The following MALRD1 variants were observed in gnomAD, a reference collection of about 807,000 sequenced individuals.
The protein encoded by MALRD1 is MAM and LDL receptor class A domain containing 1.
A neutral mutation model predicts 242.1 loss-of-function variants in MALRD1; 247 were observed. That is an observed-to-expected ratio of 1.02 (90% confidence interval 0.92 to 1.13). The LOEUF is 1.13. MALRD1 is among the 50% of genes most tolerant of loss of function. The probability of loss-of-function intolerance (pLI) is 0.00; values close to 1 mark genes in which losing one functional copy is unlikely to be tolerated. For missense variants in MALRD1, 2,989 were observed against 2,533.1 expected (o/e 1.18, Z -3.86); for synonymous variants, 995 against 866.6 (o/e 1.15, Z -2.60).
rs1025534152 is a variant in MALRD1 at position 19,084,627 on chromosome 10, T to A, written c.341-3213T>A. 2.6e-5 allele frequency among the ~76,000 whole-genome samples: 4 copies of A among 151,896 alleles called. 1 individual carries two copies. The highest frequency in any genetic ancestry group is 9.7e-5 in the African/African-American group (4 of 41,388). On this transcript the variant is annotated intron_variant, in intron 2 of 39. Transcript: ENST00000454679. ...TGGTTGAGGAAAGTGAGACCGAAAATTCTACCTTATCTTTCCTGAAGATCA... is the reference window on the plus strand; with the variant it reads ...TGGTTGAGGAAAGTGAGACCGAAAAATCTACCTTATCTTTCCTGAAGATCA...
At chr10:19,128,021 T>C (rs974951396) in intron 7 of MALRD1, among the ~76,000 whole-genome samples, 200 bp from the exon 8 acceptor site, 1 of 152,210 alleles carries the variant, frequency 6.6e-6, no homozygotes, top group African/African-American at 2.4e-5. Flanking sequence ...AGGAGATTTC[T>C]CTACATATTG....
chr10:19,574,081 T>C (rs542278620), intron 33 of MALRD1, among the ~76,000 whole-genome samples: 47 of 152,338 alleles, frequency 3.1e-4, no homozygotes, highest in African/African-American at 1.0e-3. Context: ...AATAAAATTC[T>C]TAAGAAAGTC....
chr10:19,385,429 G>T (rs1403823330), intron 26 of MALRD1, among the ~76,000 whole-genome samples: 1 of 151,872 alleles, frequency 6.6e-6, no homozygotes, highest in Non-Finnish European at 1.5e-5. Context: ...ACTCATTATT[G>T]ATCTGTTCAG....
rs73591907 is a variant in MALRD1, at chr10:19,056,369, C to T, written c.199+7232C>T. On this transcript the variant is annotated intron_variant, in intron 1 of 39. Coordinates refer to ENST00000454679, the MANE Select transcript of MALRD1 (RefSeq NM_001142308.3). ...ATTGTGTTTCCTTAAGTTTAATTCT[C>T]GGTGTTTTATAGTTTTCAGTTTGCA... Among the ~76,000 whole-genome samples the T allele has an allele frequency of 7.4e-3, 1,123 of 151,120 alleles. 21 individuals carry two copies. The highest frequency in any genetic ancestry group is 0.025 in the African/African-American group (1,045 of 41,206).
intron 31 of MALRD1, among the ~76,000 whole-genome samples, chr10:19,525,500 T>C (rs1050225211): frequency 1.3e-5 from 2 of 152,200 alleles, no homozygotes; most frequent in Non-Finnish European, 2.9e-5. Flanking sequence ...ATTTATACTA[T>C]TGTATTTGAC....
intron 18 of MALRD1, among the ~76,000 whole-genome samples, chr10:19,225,165 C>A (rs1837739355): frequency 6.6e-6 from 1 of 152,052 alleles, no homozygotes; most frequent in South Asian, 2.1e-4. Context: ...ACAATGCCTT[C>A]TGTCAATGGG....
chr10:19,617,411 T>C (rs1839208175), intron 36 of MALRD1, among the ~76,000 whole-genome samples: 1 of 151,998 alleles, frequency 6.6e-6, no homozygotes, highest in Non-Finnish European at 1.5e-5. Context: ...ACTTTACAAA[T>C]AGTGAAATAA....
rs148563247 is a variant in MALRD1 at position 19,165,991 on chromosome 10, A to G, written c.1830+181A>G. Among the ~76,000 whole-genome samples the G allele has an allele frequency of 1.8e-3, 277 of 152,352 alleles. 1 individual carries two copies. The highest frequency in any genetic ancestry group is 3.4e-3 in the Non-Finnish European group (232 of 68,030). ...CTTTCAGATAACAAAATAACACCAT[A>G]GCTCATGAATTTATTCAACATTAAT... On this transcript the variant is annotated intron_variant, in intron 13 of 39. Coordinates refer to ENST00000454679, the MANE Select transcript of MALRD1 (RefSeq NM_001142308.3).
intron 26 of MALRD1, among the ~76,000 whole-genome samples, chr10:19,357,889 A>G (rs1408810884): frequency 6.6e-6 from 1 of 152,160 alleles, no homozygotes; most frequent in Non-Finnish European, 1.5e-5. Flanking sequence ...AGGAAGATGC[A>G]ATTGAGCAGA....
intron 14 of MALRD1, among the ~76,000 whole-genome samples, chr10:19,189,595 A>G (rs1020612884): frequency 2.6e-5 from 4 of 152,176 alleles, no homozygotes; most frequent in Non-Finnish European, 5.9e-5. Flanking sequence ...AGCATATTAA[A>G]AAGATTATAC....
intron 18 of MALRD1, among the ~76,000 whole-genome samples, chr10:19,235,335 T>C (rs1164938060): frequency 2.0e-5 from 3 of 151,906 alleles, no homozygotes; most frequent in Non-Finnish European, 4.4e-5. Context: ...TGGTATCTCA[T>C]TGTGTTTTGA....
intron 31 of MALRD1, among the ~76,000 whole-genome samples, chr10:19,510,092 A>T (rs1034905234): frequency 7.9e-5 from 12 of 152,202 alleles, no homozygotes; most frequent in Non-Finnish European, 1.6e-4. Flanking sequence ...TCTGCATCAT[A>T]AACAAGGTAA....
chr10:19,480,787 C>G (rs1836960221), intron 29 of MALRD1, among the ~76,000 whole-genome samples: 1 of 151,986 alleles, frequency 6.6e-6, no homozygotes, highest in Non-Finnish European at 1.5e-5. Flanking sequence ...GCTTTAATTT[C>G]TTGTTATCTC....
intron 38 of MALRD1, among the ~76,000 whole-genome samples, chr10:19,727,383 A>G (rs1303335753): frequency 1.3e-5 from 2 of 152,174 alleles, no homozygotes; most frequent in Non-Finnish European, 2.9e-5. Flanking sequence ...TCAGTTAATA[A>G]GTGAATTCCA....
intron 32 of MALRD1, 107 bp from the exon 33 acceptor site, chr10:19,567,395 A>T (rs1836302654): frequency 2.2e-6 from 2 of 919,306 alleles, no homozygotes; most frequent in South Asian, 3.4e-5. Context: ...TAGTCAATGT[A>T]TTGAGCTGTT....
chr10:19,340,562 T>C (rs548208336), intron 24 of MALRD1, among the ~76,000 whole-genome samples: 1 of 152,232 alleles, frequency 6.6e-6, no homozygotes, highest in Non-Finnish European at 1.5e-5. Context: ...AAATATTTCA[T>C]TGGCCATACA....
chr10:19,388,633 A>G (rs1389838615), intron 27 of MALRD1, among the ~76,000 whole-genome samples: 1 of 152,182 alleles, frequency 6.6e-6, no homozygotes, highest in Non-Finnish European at 1.5e-5. Context: ...TGCCATGAAA[A>G]TTTAACTTTA....
intron 23 of MALRD1, among the ~76,000 whole-genome samples, chr10:19,331,043 A>C (rs1477005040): frequency 7.9e-5 from 12 of 152,172 alleles, no homozygotes. Flanking sequence ...AAACAGGAGT[A>C]GGTCTTGTTG....
chr10:19,448,413 A>G (rs913566874), intron 28 of MALRD1, among the ~76,000 whole-genome samples: 1 of 151,918 alleles, frequency 6.6e-6, no homozygotes, highest in Non-Finnish European at 1.5e-5. Flanking sequence ...AACTAACCAT[A>G]AACATAATAG....
Sources: allele counts gnomAD v4.1 joint callset (sites outside exome capture counted in the v4.1 genomes callset), GRCh38; gene constraint gnomAD v4.1.1; transcripts MANE v1.5; gene names NCBI Gene and HGNC (gene_info 2026-07-23, HGNC 2026-07-21).